DLEU7: variants seen among roughly 807,000 people sequenced by gnomAD.
DLEU7 encodes the protein deleted in lymphocytic leukemia 7.
DLEU7 carries 17 observed loss-of-function variants against 16.0 expected under a neutral mutation model. The observed-to-expected ratio is 1.06, with a 90% CI of 0.73 to 1.59. The LOEUF (loss-of-function observed/expected upper bound fraction) is 1.59. Among genes scored for constraint, DLEU7 ranks in the 40% most tolerant of loss-of-function variants. The pLI, the probability that DLEU7 is intolerant of heterozygous loss-of-function variation, is 0.00. For missense variants in DLEU7, 308 were observed against 314.9 expected (o/e 0.98, Z 0.17); for synonymous variants, 113 against 139.8 (o/e 0.81, Z 1.35).
intron 1 of DLEU7, among the ~76,000 whole-genome samples, chr13:50,722,730 TG>T (rs1873657805): frequency 6.6e-6 from 1 of 152,222 alleles, no homozygotes; most frequent in Non-Finnish European, 1.5e-5. Context: ...CAAGTACTAT[TG>T]TCCTTCATAA....
chr13:50,742,241 G>A (rs993459539), intron 1 of DLEU7, among the ~76,000 whole-genome samples: 1 of 152,066 alleles, frequency 6.6e-6, no homozygotes, highest in Admixed American at 6.6e-5. Context: ...CTGAAAAAAA[G>A]GAATGCAATC....
At chr13:50,819,687 C>G (rs1292281848), downstream of DLEU7, among the ~76,000 whole-genome samples, 1 of 152,074 alleles carries the variant, frequency 6.6e-6, no homozygotes, top group Non-Finnish European at 1.5e-5. Flanking sequence ...GCCTGTGTGA[C>G]TGGAAGTATA....
At chr13:50,831,022 G>A (rs181475870) in intron 1 of DLEU7, among the ~76,000 whole-genome samples, 388 of 150,246 alleles carry the variant, frequency 2.6e-3, no homozygotes, top group African/African-American at 8.6e-3. Flanking sequence ...CATGGATATG[G>A]AAGCTCTTTG....
intron 1 of DLEU7, among the ~76,000 whole-genome samples, chr13:50,804,758 TACATAGGTTTTC>T: frequency 6.6e-6 from 1 of 152,250 alleles, no homozygotes; most frequent in Non-Finnish European, 1.5e-5. Context: ...TTAAAGATTT[TACATAGGTTTTC>T]ACATCTGACA....
Position 50,817,101 on chromosome 13 carries a change from G to A in DLEU7, c.459+26087C>T, listed in dbSNP as rs544490290. Reference sequence around the variant, plus strand: ...TGCCAGATACCCTTATGCTCCATAGGCATTTTGTAATGGTTTTTTTTAAGG... The same window carrying A: ...TGCCAGATACCCTTATGCTCCATAGACATTTTGTAATGGTTTTTTTTAAGG... On this transcript the variant is annotated intron_variant, in intron 1 of 1. Coordinates refer to the DLEU7 transcript ENST00000400393. 3.3e-5 allele frequency among the ~76,000 whole-genome samples: 5 copies of A among 152,080 alleles called. No individual in the cohort carries two copies. The East Asian group carries it at 9.7e-4, about 29-fold the overall frequency.
chr13:50,729,907 TC>T (rs1873870955), intron 1 of DLEU7, among the ~76,000 whole-genome samples: 1 of 152,088 alleles, frequency 6.6e-6, no homozygotes, highest in Non-Finnish European at 1.5e-5. Context: ...AACTTTGGAC[TC>T]CCTGAAACTT....
At chr13:50,724,774 A>G (rs1873721149) in intron 1 of DLEU7, among the ~76,000 whole-genome samples, 1 of 152,168 alleles carries the variant, frequency 6.6e-6, no homozygotes, top group Non-Finnish European at 1.5e-5. Context: ...GCTCATCAGC[A>G]TCACTCAGGA....
At chr13:50,797,581 G>T (rs1876138842) in intron 1 of DLEU7, among the ~76,000 whole-genome samples, 1 of 152,156 alleles carries the variant, frequency 6.6e-6, no homozygotes, top group Admixed American at 6.5e-5. Flanking sequence ...AAGCATTCTT[G>T]TGTTTTGGTA....
chr13:50,789,919 CTCTTTCTTTCTTTCTT>C (rs67993003), intron 1 of DLEU7, among the ~76,000 whole-genome samples: 2 of 144,254 alleles, frequency 1.4e-5, no homozygotes, highest in Non-Finnish European at 3.0e-5. Context: ...CACCTTTTTT[CTCTTTCTTTCTTTCTT>C]TCTTTCTTTC....
chr13:50,730,407 C>T (rs1873883275), intron 1 of DLEU7, among the ~76,000 whole-genome samples: 1 of 151,982 alleles, frequency 6.6e-6, no homozygotes, highest in Non-Finnish European at 1.5e-5. Context: ...TTATCACTTG[C>T]AATTAGAAAA....
At chr13:50,801,846 A>T (rs1876257997) in intron 1 of DLEU7, among the ~76,000 whole-genome samples, 1 of 152,140 alleles carries the variant, frequency 6.6e-6, no homozygotes, top group Non-Finnish European at 1.5e-5. Context: ...TTCAATTGCC[A>T]ATAGATTTAT....
chr13:50,813,257 C>T (rs768454467), intron 1 of DLEU7, among the ~76,000 whole-genome samples: 27 of 152,128 alleles, frequency 1.8e-4, no homozygotes, highest in Non-Finnish European at 2.9e-4. Context: ...TTTAAATTTC[C>T]TTCCTTACAT....
chr13:50,829,770 G>A (rs964463666), intron 1 of DLEU7, among the ~76,000 whole-genome samples: 1 of 152,168 alleles, frequency 6.6e-6, no homozygotes, highest in Middle Eastern at 3.2e-3. Flanking sequence ...AGCCAGGGTA[G>A]GGAAAAATAA....
exon 2 of DLEU7, chr13:50,713,201 C>A (rs1324239626): frequency 6.2e-7 from 1 of 1,610,394 alleles, no homozygotes; most frequent in South Asian, 1.1e-5. Flanking sequence ...TCCTCACACT[C>A]CTACAGTGAC....
chr13:50,751,527 T>C (rs1417521020), intron 1 of DLEU7, among the ~76,000 whole-genome samples: 1 of 152,214 alleles, frequency 6.6e-6, no homozygotes, highest in Non-Finnish European at 1.5e-5. Flanking sequence ...CTTCTTTGAA[T>C]GTCTGGTAGA....
At chr13:50,743,863 AG>A (rs1471536790) in intron 1 of DLEU7, among the ~76,000 whole-genome samples, 11 of 152,224 alleles carry the variant, frequency 7.2e-5, no homozygotes, top group Non-Finnish European at 1.6e-4. Flanking sequence ...TTCTAAGGAT[AG>A]AAAGTTAAAA....
chr13:50,826,314 T>A (rs1286558950), intron 1 of DLEU7, among the ~76,000 whole-genome samples: 7 of 151,970 alleles, frequency 4.6e-5, no homozygotes, highest in Non-Finnish European at 1.0e-4. Flanking sequence ...CTTAAGTGAT[T>A]AAAGATATAG....
intron 1 of DLEU7, among the ~76,000 whole-genome samples, chr13:50,770,825 A>G (rs1195595052): frequency 1.3e-5 from 2 of 152,170 alleles, no homozygotes; most frequent in Non-Finnish European, 2.9e-5. Context: ...GTTGATTGGA[A>G]TAGTTTCAGA....
intron 1 of DLEU7, among the ~76,000 whole-genome samples, chr13:50,825,392 T>C (rs1434214552): frequency 2.0e-5 from 3 of 152,196 alleles, no homozygotes; most frequent in East Asian, 1.9e-4. Context: ...GTCACCTTAA[T>C]ACTCATGTGT....
Sources: gnomAD v4.1 joint callset for allele counts (sites outside exome capture counted in the v4.1 genomes callset) on GRCh38, gnomAD v4.1.1 for gene constraint, MANE v1.5 for transcripts, NCBI Gene and HGNC (gene_info 2026-07-23, HGNC 2026-07-21) for gene names.